The following SYT13 variants were observed in gnomAD, a reference collection of about 807,000 sequenced individuals.
SYT13 encodes synaptotagmin 13.
In SYT13, 21 loss-of-function variants were observed where a neutral mutation model predicts 38.6. That is an observed-to-expected ratio of 0.54 (90% CI 0.39 to 0.78). The LOEUF is 0.78. SYT13 is among the 30% of genes least tolerant of loss of function. The probability of loss-of-function intolerance (pLI) is 0.00; values close to 1 mark genes in which losing one functional copy is unlikely to be tolerated. For synonymous variants in SYT13, 241 were observed against 237.6 expected, an observed-to-expected ratio of 1.01 and a Z score of -0.13; for missense variants, 495 against 548.7, an observed-to-expected ratio of 0.90 and a Z score of 0.98.
chr11:45,243,999 G>C lies in SYT13; in HGVS notation c.*53C>G. ...ATGAGGAAAGGGGCACAGAAAGGAG[G>C]TTGCAGAGGACGGGTCAGGGCTGTC... is the stretch of plus-strand genomic sequence containing the variant. On this transcript the variant is annotated 3_prime_UTR_variant, in exon 6 of 6. Coordinates refer to ENST00000020926, the MANE Select transcript of SYT13 (RefSeq NM_020826.3). The C allele has an allele frequency of 6.6e-7, 1 of 1,516,502 alleles. No homozygotes were observed. Among genetic ancestry groups the C allele is most frequent in the East Asian group, 2.3e-5 (1 of 43,894 alleles). The allele number at this position is 1,516,502 out of a possible 1,614,324, so 93.9% of individuals were successfully genotyped here.
At position 45,269,340 on chromosome 11, in the gene SYT13, C is replaced by CAAACAAA. The variant is rs1259316453; in HGVS notation, c.184-13450_184-13449insTTTGTTT. 3 of 807,836 alleles carry CAAACAAA rather than the reference C, an allele frequency of 3.7e-6. No individual in the cohort carries two copies. The African/African-American group carries it at 5.7e-5, about 15-fold the overall frequency. 50.0% of individuals were successfully genotyped at this position (807,836 alleles called of 1,614,324 possible). ...ATTATTAAAAAAACAAACAAAAAAA[C>CAAACAAA]AAAACAAACAAACAAACAAACAAAA... On this transcript the variant is annotated intron_variant, in intron 1 of 5. Coordinates refer to ENST00000020926, the MANE Select transcript of SYT13 (RefSeq NM_020826.3).
chr11:45,251,386 TAAAAAAA>T (rs10649998), intron 4 of SYT13, among the ~76,000 whole-genome samples: 1 of 75,372 alleles, frequency 1.3e-5, no homozygotes, highest in African/African-American at 5.8e-5. Flanking sequence ...AGACTCTGTC[TAAAAAAA>T]AAAAAAAAAA....
intron 3 of SYT13, chr11:45,253,808 G>C (rs752457459): frequency 3.4e-4 from 52 of 152,620 alleles, no homozygotes; most frequent in Non-Finnish European, 1.2e-4. Context: ...CGGGGCACCT[G>C]TCGGCCCACA....
intron 1 of SYT13, among the ~76,000 whole-genome samples, chr11:45,268,999 C>T (rs1361481134): frequency 6.6e-6 from 1 of 152,044 alleles, no homozygotes; most frequent in African/African-American, 2.4e-5. Context: ...TGATGGAGAA[C>T]AGTAAAACAC....
chr11:45,260,038 C>A (rs1297672035), intron 1 of SYT13, among the ~76,000 whole-genome samples: 2 of 152,224 alleles, frequency 1.3e-5, no homozygotes, highest in Non-Finnish European at 2.9e-5. Context: ...GCATCCCAAA[C>A]TGATGCATTG....
Position 45,244,033 on chromosome 11 carries a change from G to GAGGCAGCT in SYT13, c.*11_*18dup. The stretch of plus-strand genomic sequence containing the variant: ...GACGGGTCAGGGCTGTCCAAGAAGG[G>GAGGCAGCT]AGGCAGCTGGGCAGCTGGTTACAGG... On this transcript the variant is annotated 3_prime_UTR_variant, in exon 6 of 6. Transcript: ENST00000020926. 1 of 1,577,814 alleles carries GAGGCAGCT rather than the reference G, an allele frequency of 6.3e-7. No individual in the cohort carries two copies. The highest frequency in any genetic ancestry group is 8.6e-7 in the Non-Finnish European group (1 of 1,165,366).
Position 45,242,742 on chromosome 11 carries a change from G to C in SYT13, c.*1310C>G, listed in dbSNP as rs372376293. The C allele has an allele frequency of 6.6e-6, 1 of 152,056 alleles. No homozygotes were observed. The highest frequency in any genetic ancestry group is 1.5e-5 in the Non-Finnish European group (1 of 68,040). 9.4% of individuals were successfully genotyped at this position (152,056 alleles called of 1,614,324 possible). A position where few individuals can be genotyped will look rare whatever the true frequency, so the allele number is the denominator to read the frequency against. On this transcript the variant is annotated 3_prime_UTR_variant, in exon 6 of 6. Coordinates refer to ENST00000020926, the MANE Select transcript of SYT13 (RefSeq NM_020826.3). ...CCTATCTTACACAGCTGGCCAAACA[G>C]GTGCTGAAGGGCAATGTCAACAACA...
intron 4 of SYT13, 139 bp from the exon 5 acceptor site, chr11:45,246,651 G>A: frequency 7.9e-7 from 1 of 1,260,306 alleles, no homozygotes; most frequent in Admixed American, 2.6e-5. Context: ...CAATGCTGGG[G>A]TGTCCACCCT....
At chr11:45,266,183 A>G (rs1854879322) in intron 1 of SYT13, among the ~76,000 whole-genome samples, 1 of 152,136 alleles carries the variant, frequency 6.6e-6, no homozygotes, top group African/African-American at 2.4e-5. Flanking sequence ...CCTGCACACA[A>G]TCAGCCCAGA....
chr11:45,273,103 T>A (rs1225983434), intron 1 of SYT13, among the ~76,000 whole-genome samples: 3 of 152,150 alleles, frequency 2.0e-5, no homozygotes, highest in African/African-American at 7.2e-5. Flanking sequence ...GAGAGTTTCA[T>A]AAAGCAGGTA....
At chr11:45,246,755 A>T (rs1287455274) in intron 4 of SYT13, among the ~76,000 whole-genome samples, 1 of 152,156 alleles carries the variant, frequency 6.6e-6, no homozygotes, top group Non-Finnish European at 1.5e-5. Context: ...TTCATATACC[A>T]TATACTCAAA....
intron 2 of SYT13, among the ~76,000 whole-genome samples, chr11:45,255,195 G>T (rs1162293193): frequency 6.6e-6 from 1 of 152,044 alleles, no homozygotes; most frequent in African/African-American, 2.4e-5. Context: ...TTTGTGCCAG[G>T]CTCTGAATTA....
At chr11:45,285,929 A>G (rs1176128585) in intron 1 of SYT13, 96 bp downstream of exon 1, 3 of 1,308,980 alleles carry the variant, frequency 2.3e-6, no homozygotes, top group East Asian at 8.6e-5. Context: ...TTTGTCGCGC[A>G]AAGATCCACG....
intron 1 of SYT13, among the ~76,000 whole-genome samples, chr11:45,257,150 T>A (rs940626243): frequency 2.0e-5 from 3 of 152,190 alleles, no homozygotes; most frequent in Non-Finnish European, 4.4e-5. Flanking sequence ...ATCTTTCTTT[T>A]CAAAAAGACC....
At chr11:45,268,828 C>G (rs1387491386) in intron 1 of SYT13, among the ~76,000 whole-genome samples, 1 of 152,148 alleles carries the variant, frequency 6.6e-6, no homozygotes, top group African/African-American at 2.4e-5. Context: ...ACCCTCCTAG[C>G]CTAGCCATTC....
chr11:45,259,915 C>T (rs1854795172), intron 1 of SYT13, among the ~76,000 whole-genome samples: 1 of 152,250 alleles, frequency 6.6e-6, no homozygotes, highest in Non-Finnish European at 1.5e-5. Flanking sequence ...TTAAGCTGCT[C>T]AGCCAACCAA....
intron 1 of SYT13, among the ~76,000 whole-genome samples, chr11:45,263,332 C>G (rs1039015559): frequency 6.6e-6 from 1 of 152,184 alleles, no homozygotes; most frequent in Non-Finnish European, 1.5e-5. Flanking sequence ...TGTAAACAAA[C>G]GTTTAACCTT....
chr11:45,246,151 A>G (rs1371893483), intron 5 of SYT13, among the ~76,000 whole-genome samples: 1 of 152,206 alleles, frequency 6.6e-6, no homozygotes, highest in Non-Finnish European at 1.5e-5. Flanking sequence ...TGGGGTCCTA[A>G]TGGATGGGAT....
rs369917641 is a variant in SYT13 at position 45,286,181 on chromosome 11, C to T, written c.27G>A (p.Ala9=). 3 of 1,575,668 alleles carry T rather than the reference C, an allele frequency of 1.9e-6. No individual in the cohort carries two copies. Among genetic ancestry groups the T allele is most frequent in the Admixed American group, 3.7e-5 (2 of 53,464 alleles). ...TGGCTGTGCCCAGCGTGGCGCCCAGCGCGATCACAGGCACCGACAGCACCA... is the reference window on the plus strand; with the variant it reads ...TGGCTGTGCCCAGCGTGGCGCCCAGTGCGATCACAGGCACCGACAGCACCA... MVLSVPVI[A]LGATLGTATS... is the part of the protein sequence containing the mutation. The change falls in exon 1 of 6, where the codon GCG becomes GCA. Residue 9 remains alanine (A), a synonymous_variant. Coordinates refer to ENST00000020926, the MANE Select transcript of SYT13 (RefSeq NM_020826.3).
Sources: allele counts gnomAD v4.1 joint callset (sites outside exome capture counted in the v4.1 genomes callset), GRCh38; gene constraint gnomAD v4.1.1; transcripts MANE v1.5; gene names NCBI Gene and HGNC (gene_info 2026-07-23, HGNC 2026-07-21).